The following SPIDR variants were observed in gnomAD, a reference collection of about 807,000 sequenced individuals.
SPIDR encodes DNA repair-scaffolding protein.
Under a neutral mutation model 104.6 loss-of-function variants are expected in SPIDR, and 93 were observed. The ratio of observed to expected loss-of-function variants is 0.89; its 90% CI spans 0.75 to 1.06. The LOEUF (loss-of-function observed/expected upper bound fraction) is 1.06, where lower values mean the gene tolerates loss of function less well. Ranked by LOEUF, SPIDR falls within the 50% of genes least tolerant of loss-of-function variation. SPIDR has a pLI of 0.00. For synonymous variants in SPIDR, 431 were observed against 416.9 expected, an observed-to-expected ratio of 1.03 and a Z score of -0.41; for missense variants, 1,154 against 1,111.2, an observed-to-expected ratio of 1.04 and a Z score of -0.55.
intron 3 of SPIDR, among the ~76,000 whole-genome samples, chr8:47,285,246 A>C (rs1351090533): frequency 3.3e-5 from 5 of 152,242 alleles, no homozygotes; most frequent in Non-Finnish European, 7.3e-5. Flanking sequence ...GTGACATTCT[A>C]AACCATGTTA....
rs1221495043 is a variant in SPIDR, at chr8:47,264,634, C to CT, written c.33+3656dup. ...GCAGCAGCTTGCCTTTTGAGATTTTCTTTTTTTTTTTTTGAGATGGAGTCT... is the reference window on the plus strand; with the variant it reads ...GCAGCAGCTTGCCTTTTGAGATTTTCTTTTTTTTTTTTTTGAGATGGAGTCT... On this transcript the variant is annotated intron_variant, in intron 1 of 19. Coordinates refer to ENST00000297423, the MANE Select transcript of SPIDR (RefSeq NM_001080394.4). Among the ~76,000 whole-genome samples, 1,085 of 143,318 alleles carry CT rather than the reference C, an allele frequency of 7.6e-3. 6 individuals carry two copies. Among genetic ancestry groups the CT allele is most frequent in the African/African-American group, 0.018 (710 of 39,378 alleles). 94.0% of individuals were successfully genotyped at this position (143,318 alleles called of 152,430 possible). A position where few individuals can be genotyped will look rare whatever the true frequency, so the allele number is the denominator to read the frequency against.
intron 10 of SPIDR, among the ~76,000 whole-genome samples, chr8:47,615,577 A>G (rs986725541): frequency 2.0e-5 from 3 of 150,036 alleles, no homozygotes; most frequent in Non-Finnish European, 2.9e-5. Flanking sequence ...GGTTCCAGCA[A>G]TTCTCCTGCC....
intron 8 of SPIDR, among the ~76,000 whole-genome samples, chr8:47,537,187 TATG>T (rs1587375335): frequency 6.6e-6 from 1 of 152,258 alleles, no homozygotes; most frequent in East Asian, 1.9e-4. Context: ...ATTCTTACCA[TATG>T]ATCCAGCAAT....
At chr8:47,578,386 G>C (rs927465145) in intron 8 of SPIDR, among the ~76,000 whole-genome samples, 1 of 152,140 alleles carries the variant, frequency 6.6e-6, no homozygotes, top group African/African-American at 2.4e-5. Flanking sequence ...GCAGGAGAAT[G>C]GCGTGAACCT....
At chr8:47,729,178 C>T in intron 18 of SPIDR, 131 bp downstream of exon 18, 1 of 1,527,952 alleles carries the variant, frequency 6.5e-7, no homozygotes, top group Non-Finnish European at 8.8e-7. Context: ...GGATGGCTTG[C>T]ATCTGGAACT....
chr8:47,503,249 G>C (rs4436571), intron 8 of SPIDR, among the ~76,000 whole-genome samples: 104,764 of 151,970 alleles, frequency 0.69, 36,458 homozygotes, highest in East Asian at 0.81. Context: ...TTAAAGTCTC[G>C]CATTGTTACT....
chr8:47,704,926 TGA>T (rs2080856627), intron 14 of SPIDR, among the ~76,000 whole-genome samples: 1 of 152,168 alleles, frequency 6.6e-6, no homozygotes, highest in Non-Finnish European at 1.5e-5. Flanking sequence ...CTGCCTACCT[TGA>T]GAGGGGTCAG....
intron 11 of SPIDR, among the ~76,000 whole-genome samples, chr8:47,689,206 A>T (rs2078266000): frequency 6.6e-6 from 1 of 152,164 alleles, no homozygotes; most frequent in Admixed American, 6.5e-5. Context: ...ACTTGTTTTC[A>T]TGACCCCCAG....
intron 8 of SPIDR, among the ~76,000 whole-genome samples, chr8:47,467,385 T>C (rs1302478297): frequency 2.0e-5 from 3 of 152,060 alleles, no homozygotes; most frequent in African/African-American, 7.2e-5. Flanking sequence ...CATGCTAATA[T>C]CAAAACCTGG....
Position 47,384,811 on chromosome 8 carries a change from AT to A in SPIDR, c.526-11560del, listed in dbSNP as rs145575264. Among the ~76,000 whole-genome samples, 1,481 of 152,108 alleles carry A rather than the reference AT, an allele frequency of 9.7e-3. 27 individuals are homozygous for A. Among genetic ancestry groups the A allele is most frequent in the African/African-American group, 0.033 (1,371 of 41,486 alleles). On this transcript the variant is annotated intron_variant, in intron 5 of 19. Coordinates refer to ENST00000297423, the MANE Select transcript of SPIDR (RefSeq NM_001080394.4). ...GACTCAAGTCAGTGGCCACTGATAT[AT>A]TTTTGTTTATCTAGATGGCCTAAGA...
At chr8:47,264,221 G>A (rs2033335525) in intron 1 of SPIDR, among the ~76,000 whole-genome samples, 1 of 152,170 alleles carries the variant, frequency 6.6e-6, no homozygotes, top group South Asian at 2.1e-4. Context: ...GAATAGAAAG[G>A]ACTGGGTTGA....
chr8:47,387,751 G>T (rs782364625), intron 5 of SPIDR, among the ~76,000 whole-genome samples: 55 of 152,192 alleles, frequency 3.6e-4, no homozygotes, highest in Non-Finnish European at 5.4e-4. Flanking sequence ...GTAACTCACT[G>T]CATGAGCATT....
At chr8:47,661,831 A>G (rs2074158190) in intron 10 of SPIDR, among the ~76,000 whole-genome samples, 1 of 152,242 alleles carries the variant, frequency 6.6e-6, no homozygotes, top group Non-Finnish European at 1.5e-5. Context: ...CTCAGCCCAG[A>G]GAGCTTCTGT....
At chr8:47,721,475 CTTT>C (rs751216278) in intron 16 of SPIDR, among the ~76,000 whole-genome samples, 2 of 143,984 alleles carry the variant, frequency 1.4e-5, no homozygotes. Flanking sequence ...ATTATTGAAA[CTTT>C]TTTTTTTTTT....
At chr8:47,359,678 C>T (rs951646340) in intron 5 of SPIDR, among the ~76,000 whole-genome samples, 10 of 152,074 alleles carry the variant, frequency 6.6e-5, no homozygotes, top group Admixed American at 3.3e-4. Flanking sequence ...TATTCTATAG[C>T]GGGTAGAGAG....
chr8:47,507,200 A>G (rs1449710496), intron 8 of SPIDR, among the ~76,000 whole-genome samples: 2 of 152,136 alleles, frequency 1.3e-5, no homozygotes, highest in East Asian at 1.9e-4. Flanking sequence ...GTGCTGGTCA[A>G]TGTAAGTTCT....
chr8:47,658,042 A>G (rs1277943940), intron 10 of SPIDR, among the ~76,000 whole-genome samples: 2 of 151,112 alleles, frequency 1.3e-5, no homozygotes, highest in East Asian at 1.9e-4. Context: ...AAAAAAAAAA[A>G]AAAAAAAGAA....
At chr8:47,665,288 A>G (rs1006475014) in intron 10 of SPIDR, among the ~76,000 whole-genome samples, 5 of 152,230 alleles carry the variant, frequency 3.3e-5, no homozygotes, top group African/African-American at 9.6e-5. Flanking sequence ...GCACTGGGAT[A>G]TATCTTCAAA....
intron 8 of SPIDR, among the ~76,000 whole-genome samples, chr8:47,551,944 G>T (rs546303186): frequency 6.6e-6 from 1 of 152,186 alleles, no homozygotes; most frequent in Non-Finnish European, 1.5e-5. Flanking sequence ...TGCTTTGAAT[G>T]TGTCCCAGAG....
Sources: allele counts gnomAD v4.1 joint callset (sites outside exome capture counted in the v4.1 genomes callset), GRCh38; gene constraint gnomAD v4.1.1; transcripts MANE v1.5; gene names NCBI Gene and HGNC (gene_info 2026-07-23, HGNC 2026-07-21).